Variants in ZCCHC24 observed in about 807,000 individuals in gnomAD.
ZCCHC24 encodes the protein zinc finger CCHC domain-containing protein 24.
Under a neutral mutation model 26.2 loss-of-function variants are expected in ZCCHC24, and 10 were observed. The ratio of observed to expected loss-of-function variants is 0.38; its 90% confidence interval spans 0.24 to 0.65. The LOEUF is 0.65. Among genes scored for constraint, ZCCHC24 ranks in the 30% least tolerant of loss-of-function variants. ZCCHC24 has a pLI of 0.54. For missense variants in ZCCHC24, 243 were observed against 329.1 expected, an observed-to-expected ratio of 0.74 and a Z score of 2.03; for synonymous variants, 144 against 147.1, an observed-to-expected ratio of 0.98 and a Z score of 0.15.
At chr10:79,399,832 C>T (rs1233916074) in intron 2 of ZCCHC24, among the ~76,000 whole-genome samples, 1 of 152,244 alleles carries the variant, frequency 6.6e-6, no homozygotes, top group Non-Finnish European at 1.5e-5. Context: ...ACTCTCTGGG[C>T]ACTTCTTCAG....
rs1239213380 is a variant in ZCCHC24 at position 79,390,986 on chromosome 10, T to C, written c.612+3290A>G. On this transcript the variant is annotated intron_variant, in intron 3 of 3. Transcript: ENST00000372336. ...GCTGGGGGATAGAGAGGCACCACTCTCATACCCCCTCCCAGCTTGGGAGCT... is the reference window on the plus strand; with the variant it reads ...GCTGGGGGATAGAGAGGCACCACTCCCATACCCCCTCCCAGCTTGGGAGCT... Among the ~76,000 whole-genome samples, 3 of 152,240 alleles carry C rather than the reference T, an allele frequency of 2.0e-5. No homozygotes were observed. In the East Asian group the frequency reaches 5.8e-4, roughly 29 times the overall value.
At chr10:79,410,202 C>T (rs1277781543) in intron 2 of ZCCHC24, among the ~76,000 whole-genome samples, 2 of 152,254 alleles carry the variant, frequency 1.3e-5, no homozygotes, top group African/African-American at 4.8e-5. Flanking sequence ...TCCTCAGAGA[C>T]ACCATCCCTG....
Position 79,445,528 on chromosome 10 carries a change from CA to C in ZCCHC24, c.-89del. 8.7e-7 allele frequency: 1 copy of C among 1,146,826 alleles called. No individual in the cohort carries two copies. Among genetic ancestry groups the C allele is most frequent in the Non-Finnish European group, 1.1e-6 (1 of 914,996 alleles). The allele number at this position is 1,146,826 out of a possible 1,614,324, so 71.0% of individuals were successfully genotyped here. A position where few individuals can be genotyped will look rare whatever the true frequency, so the allele number is the denominator to read the frequency against. ...GGGCGGGCACCGGGGAGCCTGTGCC[CA>C]CTGCCCGCCTCCCGAGCCCCGACGG... On this transcript the variant is annotated 5_prime_UTR_variant, in exon 1 of 4. Transcript: ENST00000372336.
intron 2 of ZCCHC24, among the ~76,000 whole-genome samples, chr10:79,422,250 C>G (rs1308162061): frequency 2.0e-5 from 3 of 152,016 alleles, no homozygotes; most frequent in African/African-American, 7.2e-5. Context: ...TGGCCTGTCC[C>G]CTCCCTGGGC....
At position 79,445,601 on chromosome 10, in the gene ZCCHC24, C is replaced by A. The variant is rs1366639722; in HGVS notation, c.-161G>T. 1 of 503,158 alleles carries A rather than the reference C, an allele frequency of 2.0e-6. No individual in the cohort carries two copies. The allele number at this position is 503,158 out of a possible 1,614,324, so 31.2% of individuals were successfully genotyped here. A position where few individuals can be genotyped will look rare whatever the true frequency, so the allele number is the denominator to read the frequency against. On this transcript the variant is annotated 5_prime_UTR_variant, in exon 1 of 4. Coordinates refer to ENST00000372336, the MANE Select transcript of ZCCHC24 (RefSeq NM_153367.4). ...CCCGCGCGCTGCCCGCAGCCGCTGC[C>A]GCTGCCGCCGCCTCCCCCCGACTGC...
intron 1 of ZCCHC24, among the ~76,000 whole-genome samples, chr10:79,435,744 A>T (rs563897627): frequency 6.6e-6 from 1 of 152,370 alleles, no homozygotes; most frequent in South Asian, 2.1e-4. Flanking sequence ...GCCAGGCCCC[A>T]GGGCCAGAAA....
intron 2 of ZCCHC24, among the ~76,000 whole-genome samples, chr10:79,406,960 C>T (rs1468183465): frequency 1.3e-5 from 2 of 152,230 alleles, no homozygotes; most frequent in African/African-American, 4.8e-5. Context: ...GTCTCACTAC[C>T]TGGCACACCC....
At chr10:79,422,155 T>A (rs1250550756) in intron 2 of ZCCHC24, among the ~76,000 whole-genome samples, 1 of 152,300 alleles carries the variant, frequency 6.6e-6, no homozygotes, top group Non-Finnish European at 1.5e-5. Context: ...ATACCCCTCA[T>A]CCTCTATCCC....
At chr10:79,409,622 AG>A (rs1662246176) in intron 2 of ZCCHC24, among the ~76,000 whole-genome samples, 1 of 145,168 alleles carries the variant, frequency 6.9e-6, no homozygotes, top group Non-Finnish European at 1.5e-5. Context: ...AGAAAGCCAG[AG>A]GGGTAGGGGA....
chr10:79,412,488 G>C (rs766834205), intron 2 of ZCCHC24, among the ~76,000 whole-genome samples: 1 of 152,258 alleles, frequency 6.6e-6, no homozygotes, highest in African/African-American at 2.4e-5. Context: ...TCCAGGGACT[G>C]GGCAGCCACA....
intron 1 of ZCCHC24, among the ~76,000 whole-genome samples, chr10:79,438,439 C>T (rs559079094): frequency 7.9e-5 from 12 of 152,190 alleles, no homozygotes; most frequent in South Asian, 2.1e-4. Flanking sequence ...AGGCGGGAAG[C>T]GAGCCAATGG....
intron 3 of ZCCHC24, among the ~76,000 whole-genome samples, chr10:79,386,962 C>A (rs1856406176): frequency 6.6e-6 from 1 of 152,178 alleles, no homozygotes; most frequent in South Asian, 2.1e-4. Flanking sequence ...CATCTCCCGA[C>A]CCCAGCATCC....
intron 2 of ZCCHC24, among the ~76,000 whole-genome samples, chr10:79,432,224 G>C (rs1485076251): frequency 6.6e-6 from 1 of 152,200 alleles, no homozygotes; most frequent in Non-Finnish European, 1.5e-5. Flanking sequence ...TGAGGAGACT[G>C]CCCCCTCAGA....
intron 1 of ZCCHC24, among the ~76,000 whole-genome samples, chr10:79,435,536 T>C (rs1247463416): frequency 6.6e-6 from 1 of 152,142 alleles, no homozygotes; most frequent in African/African-American, 2.4e-5. Context: ...GAGCTTCCCC[T>C]CCTCATGGCC....
At chr10:79,430,625 C>T (rs778136407) in intron 2 of ZCCHC24, among the ~76,000 whole-genome samples, 6 of 151,600 alleles carry the variant, frequency 4.0e-5, no homozygotes, top group African/African-American at 1.2e-4. Flanking sequence ...TTTAGAAGAG[C>T]GCTGGCCCTG....
At chr10:79,434,036 A>G (rs2087707776) in intron 1 of ZCCHC24, among the ~76,000 whole-genome samples, 2 of 152,148 alleles carry the variant, frequency 1.3e-5, no homozygotes, top group South Asian at 2.1e-4. Flanking sequence ...TCCTAGAGAC[A>G]TGGTCCTCAT....
chr10:79,394,240 G>A (rs376563016), intron 3 of ZCCHC24, 36 bp downstream of exon 3: 43 of 1,600,134 alleles, frequency 2.7e-5, no homozygotes, highest in Admixed American at 8.4e-5. Flanking sequence ...GCCCTCCCGC[G>A]GTCCTTCTGA....
chr10:79,425,335 T>C (rs1276944119), intron 2 of ZCCHC24, among the ~76,000 whole-genome samples: 1 of 152,222 alleles, frequency 6.6e-6, no homozygotes, highest in Non-Finnish European at 1.5e-5. Context: ...ACTCCTGACC[T>C]GCCTGACTAA....
intron 2 of ZCCHC24, among the ~76,000 whole-genome samples, chr10:79,397,444 C>T (rs1342726098): frequency 6.6e-6 from 1 of 152,194 alleles, no homozygotes; most frequent in Non-Finnish European, 1.5e-5. Context: ...TAGTGCATGT[C>T]CCTCTGACTG....
Sources: gnomAD v4.1 joint callset for allele counts (sites outside exome capture counted in the v4.1 genomes callset) on GRCh38, gnomAD v4.1.1 for gene constraint, MANE v1.5 for transcripts, NCBI Gene and HGNC (gene_info 2026-07-23, HGNC 2026-07-21) for gene names.